ELF2: variants seen among roughly 807,000 people sequenced by gnomAD.
ELF2 encodes the protein E74 like ETS transcription factor 2.
A neutral mutation model predicts 54.8 loss-of-function variants in ELF2; 11 were observed. That is an observed-to-expected ratio of 0.20 (90% CI 0.13 to 0.33). The LOEUF (loss-of-function observed/expected upper bound fraction) is 0.33. Ranked by LOEUF, ELF2 falls within the 10% of genes least tolerant of loss-of-function variation. ELF2 has a pLI of 1.00. For synonymous variants in ELF2, 203 were observed against 245.1 expected (o/e 0.83, Z 1.61); for missense variants, 513 against 703.0 (o/e 0.73, Z 3.06).
At chr4:139,156,202 G>GTC (rs1240153760) in intron 1 of ELF2, among the ~76,000 whole-genome samples, 7 of 151,828 alleles carry the variant, frequency 4.6e-5, no homozygotes, top group African/African-American at 1.7e-4. Context: ...GGGGGACGGA[G>GTC]TCTCGCTCTG....
chr4:139,078,275 G>C (rs1730598508), intron 4 of ELF2, among the ~76,000 whole-genome samples: 1 of 152,088 alleles, frequency 6.6e-6, no homozygotes, highest in African/African-American at 2.4e-5. Context: ...TAGTTTGAGA[G>C]CAGTGAAAAA....
At position 139,057,751 on chromosome 4, in the gene ELF2, A is replaced by C. The variant is rs1727236330; in HGVS notation, c.*1232T>G. 1 of 152,432 alleles carries C rather than the reference A, an allele frequency of 6.6e-6. No homozygotes were observed. The highest frequency in any genetic ancestry group is 2.4e-5 in the African/African-American group (1 of 41,468). The allele number at this position is 152,432 out of a possible 1,614,324, so 9.4% of individuals were successfully genotyped here. A position where few individuals can be genotyped will look rare whatever the true frequency, so the allele number is the denominator to read the frequency against. The stretch of plus-strand genomic sequence containing the variant: ...AATATAATGGAAGTAGAATTTCTTC[A>C]TGCAGTAGTTGGGAAGGAGAAGAGA... On this transcript the variant is annotated 3_prime_UTR_variant, in exon 10 of 10. Coordinates refer to ENST00000686138, the MANE Select transcript of ELF2 (RefSeq NM_001331036.3).
At chr4:139,104,327 T>C (rs1463725610) in intron 4 of ELF2, among the ~76,000 whole-genome samples, 1 of 152,012 alleles carries the variant, frequency 6.6e-6, no homozygotes, top group African/African-American at 2.4e-5. Flanking sequence ...CTGGTCAACA[T>C]GGTGAAACCC....
At chr4:139,078,884 T>A (rs1303953681) in intron 4 of ELF2, among the ~76,000 whole-genome samples, 1 of 152,206 alleles carries the variant, frequency 6.6e-6, no homozygotes. Flanking sequence ...TTAATTCATT[T>A]AAAATAATAC....
chr4:139,148,198 G>C (rs1159477804), intron 1 of ELF2, among the ~76,000 whole-genome samples: 1 of 151,606 alleles, frequency 6.6e-6, no homozygotes, highest in Non-Finnish European at 1.5e-5. Context: ...ATTTTTTTGG[G>C]GGGGTGGGGA....
chr4:139,118,727 G>C (rs1167712642), intron 4 of ELF2, among the ~76,000 whole-genome samples: 1 of 151,656 alleles, frequency 6.6e-6, no homozygotes, highest in African/African-American at 2.4e-5. Flanking sequence ...GAGAAAACAA[G>C]AGACATAAAC....
chr4:139,146,515 GAGAA>G (rs1219175151), intron 1 of ELF2, among the ~76,000 whole-genome samples: 1 of 152,154 alleles, frequency 6.6e-6, no homozygotes, highest in Non-Finnish European at 1.5e-5. Flanking sequence ...CACAGATTTA[GAGAA>G]AGAAAATCCT....
chr4:139,059,682 A>G, intron 9 of ELF2, 75 bp from the exon 10 acceptor site: 1 of 1,512,808 alleles, frequency 6.6e-7, no homozygotes, highest in Non-Finnish European at 8.8e-7. Context: ...GTAAAAGATT[A>G]ATACAAATCC....
intron 1 of ELF2, among the ~76,000 whole-genome samples, chr4:139,169,848 CTCT>C (rs1742099020): frequency 7.4e-6 from 1 of 134,996 alleles, no homozygotes; most frequent in Non-Finnish European, 1.6e-5. Context: ...CAGAGCGAGA[CTCT>C]TGTCTTAAAA....
intron 3 of ELF2, chr4:139,137,307 A>C: frequency 3.2e-6 from 1 of 314,018 alleles, no homozygotes; most frequent in Non-Finnish European, 5.9e-6. Context: ...TGGGCATAGT[A>C]TATACCTACA....
intron 1 of ELF2, among the ~76,000 whole-genome samples, chr4:139,152,720 C>G (rs1044140864): frequency 6.6e-6 from 1 of 152,026 alleles, no homozygotes; most frequent in Non-Finnish European, 1.5e-5. Context: ...AGTCATTTAA[C>G]TGATGAAATT....
intron 1 of ELF2, among the ~76,000 whole-genome samples, chr4:139,164,165 AAAG>A (rs1332084031): frequency 2.0e-5 from 3 of 147,476 alleles, no homozygotes; most frequent in African/African-American, 7.6e-5. Flanking sequence ...GAAAGAAGGA[AAAG>A]AAAGAAAGAA....
intron 4 of ELF2, among the ~76,000 whole-genome samples, chr4:139,085,769 TTAAAG>T (rs1731914597): frequency 6.6e-6 from 1 of 152,170 alleles, no homozygotes; most frequent in African/African-American, 2.4e-5. Context: ...GCCAATCAAT[TTAAAG>T]TAAGCATCAT....
At chr4:139,174,465 G>A (rs557903315) in intron 1 of ELF2, among the ~76,000 whole-genome samples, 1 of 152,106 alleles carries the variant, frequency 6.6e-6, no homozygotes, top group East Asian at 1.9e-4. Flanking sequence ...TGGATATGGG[G>A]CTCTTTTGGG....
intron 1 of ELF2, among the ~76,000 whole-genome samples, chr4:139,156,655 T>C (rs888134586): frequency 1.1e-4 from 16 of 151,494 alleles, no homozygotes; most frequent in African/African-American, 3.4e-4. Flanking sequence ...GCTGTTGTTG[T>C]TAAAGACAGA....
chr4:139,129,368 C>T (rs938793512), intron 3 of ELF2, among the ~76,000 whole-genome samples: 1 of 152,144 alleles, frequency 6.6e-6, no homozygotes. Flanking sequence ...TCAAGTAAGC[C>T]CACCCATTCT....
chr4:139,078,935 T>C (rs2148715521), intron 4 of ELF2, among the ~76,000 whole-genome samples: 1 of 152,220 alleles, frequency 6.6e-6, no homozygotes, highest in Middle Eastern at 3.4e-3. Context: ...TTATGAAAAA[T>C]AACTGTTTTT....
intron 4 of ELF2, among the ~76,000 whole-genome samples, chr4:139,074,015 C>G (rs1405610227): frequency 1.3e-5 from 2 of 152,264 alleles, no homozygotes; most frequent in Middle Eastern, 3.4e-3. Flanking sequence ...GTAATCCCAG[C>G]TACTCAAGAG....
chr4:139,152,759 T>C (rs1354518241), intron 1 of ELF2, among the ~76,000 whole-genome samples: 5 of 152,048 alleles, frequency 3.3e-5, no homozygotes. Flanking sequence ...AATCAATGCT[T>C]TAAGTACTTC....
Sources: allele counts gnomAD v4.1 joint callset (sites outside exome capture counted in the v4.1 genomes callset), GRCh38; gene constraint gnomAD v4.1.1; transcripts MANE v1.5; gene names NCBI Gene and HGNC (gene_info 2026-07-23, HGNC 2026-07-21).